COG6: variants seen among roughly 807,000 people sequenced by gnomAD.
The protein encoded by COG6 is component of oligomeric golgi complex 6.
Under a neutral mutation model 88.8 loss-of-function variants are expected in COG6, and 74 were observed. The ratio of observed to expected loss-of-function variants is 0.83; its 90% confidence interval spans 0.69 to 1.01. The LOEUF (loss-of-function observed/expected upper bound fraction) is 1.01, where lower values mean the gene tolerates loss of function less well. Ranked by LOEUF, COG6 falls within the 50% of genes least tolerant of loss-of-function variation. The pLI is 0.00. For synonymous variants in COG6, 286 were observed against 278.7 expected (o/e 1.03, Z -0.26); for missense variants, 800 against 797.9 (o/e 1.00, Z -0.03).
At chr13:39,682,326 A>G (rs1440727082) in intron 8 of COG6, 62 bp downstream of exon 8, 2 of 916,300 alleles carry the variant, frequency 2.2e-6, no homozygotes, top group Admixed American at 1.8e-5. Flanking sequence ...CTTACTTTAA[A>G]TTTTAGTATT....
At chr13:39,766,908 A>G (rs1881182365) in intron 18 of COG6, among the ~76,000 whole-genome samples, 1 of 152,236 alleles carries the variant, frequency 6.6e-6, no homozygotes, top group South Asian at 2.1e-4. Context: ...ATCTGTGCAT[A>G]TAAGTGAAAA....
At chr13:39,781,579 A>G (rs184099763) in intron 18 of COG6, among the ~76,000 whole-genome samples, 118 of 152,200 alleles carry the variant, frequency 7.8e-4, no homozygotes, top group Admixed American at 1.5e-3. Context: ...CATTGCATGA[A>G]GAGCCACAGC....
chr13:39,714,434 A>C (rs555997226), intron 13 of COG6, among the ~76,000 whole-genome samples: 44 of 152,294 alleles, frequency 2.9e-4, no homozygotes, highest in Admixed American at 2.0e-4. Flanking sequence ...CAAGAAAAAA[A>C]CAAATAATCC....
Position 39,665,141 on chromosome 13 carries a change from C to T in COG6, c.415C>T (p.Leu139Phe). 6.5e-7 allele frequency: 1 copy of T among 1,535,026 alleles called. No individual in the cohort carries two copies. The highest frequency in any genetic ancestry group is 9.0e-7 in the Non-Finnish European group (1 of 1,108,966). ...TQDLIVKTTK[L>F]QSESQKLEIR... ...AGATTTAATAGTAAAAACCACTAAG[C>T]TTCAATCTGAAAGGTAAGTTTTTCT... The change falls in exon 4 of 19, where the codon CTT becomes TTT. Residue 139 changes from leucine to phenylalanine, a missense_variant. Physicochemically the swap from Leu to Phe is conservative, Grantham distance 22 (BLOSUM62 0). Coordinates refer to ENST00000455146, the MANE Select transcript of COG6 (RefSeq NM_020751.3).
At chr13:39,775,672 C>T (rs1881441934) in intron 18 of COG6, among the ~76,000 whole-genome samples, 2 of 152,074 alleles carry the variant, frequency 1.3e-5, no homozygotes, top group Non-Finnish European at 2.9e-5. Context: ...TGTAGTTTTA[C>T]ATTTTAATAC....
intron 18 of COG6, among the ~76,000 whole-genome samples, chr13:39,775,710 A>G (rs902244176): frequency 3.9e-5 from 6 of 152,222 alleles, no homozygotes; most frequent in Admixed American, 1.3e-4. Flanking sequence ...AAGCATCTGG[A>G]ATCCAGCTAC....
intron 18 of COG6, among the ~76,000 whole-genome samples, chr13:39,763,403 C>T (rs1246176920): frequency 6.6e-6 from 1 of 151,760 alleles, no homozygotes; most frequent in East Asian, 1.9e-4. Flanking sequence ...TAATTGCGGT[C>T]ACCCTTGTCT....
chr13:39,719,994 A>AACACACACAC (rs58617808), intron 15 of COG6, among the ~76,000 whole-genome samples, 167 bp downstream of exon 15: 13 of 147,764 alleles, frequency 8.8e-5, no homozygotes, highest in South Asian at 6.5e-4. Flanking sequence ...GCACATACAC[A>AACACACACAC]ACACACACAC....
At chr13:39,713,960 T>C (rs1014129706) in intron 13 of COG6, among the ~76,000 whole-genome samples, 4 of 152,186 alleles carry the variant, frequency 2.6e-5, no homozygotes, top group Non-Finnish European at 4.4e-5. Context: ...TTGTTGCCGA[T>C]CTAATGGATG....
At chr13:39,684,117 C>T (rs4368051) in intron 8 of COG6, among the ~76,000 whole-genome samples, 109,689 of 151,708 alleles carry the variant, frequency 0.72, 39,933 homozygotes, top group Admixed American at 0.81. Flanking sequence ...AGGGATGTAT[C>T]TGAGGGCTAC....
intron 18 of COG6, among the ~76,000 whole-genome samples, chr13:39,770,024 T>A (rs1220833322): frequency 6.6e-6 from 1 of 152,238 alleles, no homozygotes; most frequent in Non-Finnish European, 1.5e-5. Flanking sequence ...CATCTAGCAG[T>A]CATGCTGTTG....
intron 18 of COG6, among the ~76,000 whole-genome samples, chr13:39,736,412 G>A (rs905940889): frequency 1.1e-4 from 16 of 152,122 alleles, no homozygotes; most frequent in African/African-American, 3.1e-4. Context: ...CTGAATTTTG[G>A]CCAGGCGCAG....
intron 18 of COG6, among the ~76,000 whole-genome samples, chr13:39,766,779 T>C (rs1051416352): frequency 6.6e-5 from 10 of 152,172 alleles, no homozygotes; most frequent in Admixed American, 3.9e-4. Context: ...CTTGGACAGG[T>C]TGAGAGTTCT....
At chr13:39,758,866 C>A (rs1880927567) in intron 18 of COG6, among the ~76,000 whole-genome samples, 1 of 151,954 alleles carries the variant, frequency 6.6e-6, no homozygotes, top group Non-Finnish European at 1.5e-5. Flanking sequence ...TGTGGTATAT[C>A]CATACAATGA....
intron 18 of COG6, among the ~76,000 whole-genome samples, chr13:39,784,324 G>A (rs1397954571): frequency 6.6e-6 from 1 of 152,198 alleles, no homozygotes; most frequent in East Asian, 1.9e-4. Flanking sequence ...TGAGCAATGA[G>A]TGGTGGATTC....
intron 11 of COG6, among the ~76,000 whole-genome samples, chr13:39,691,071 G>T (rs942607395): frequency 6.6e-6 from 1 of 151,354 alleles, no homozygotes; most frequent in African/African-American, 2.4e-5. Flanking sequence ...CCCCTTCCTT[G>T]CTTATGTAAT....
intron 18 of COG6, among the ~76,000 whole-genome samples, chr13:39,772,225 C>G (rs891531866): frequency 6.6e-6 from 1 of 152,230 alleles, no homozygotes; most frequent in Non-Finnish European, 1.5e-5. Flanking sequence ...TAACCTCTTA[C>G]AGTAGTTGTC....
chr13:39,657,527 T>TG (rs995374694), intron 1 of COG6, among the ~76,000 whole-genome samples: 21 of 119,096 alleles, frequency 1.8e-4, no homozygotes, highest in African/African-American at 6.7e-4. Context: ...CTTCACTTCA[T>TG]GGGTTTTTTT....
intron 18 of COG6, among the ~76,000 whole-genome samples, chr13:39,781,342 G>A (rs1389788767): frequency 1.3e-5 from 2 of 152,070 alleles, no homozygotes; most frequent in East Asian, 1.9e-4. Context: ...TCAGTTGACA[G>A]GTTAGAGAAG....
Sources: allele counts gnomAD v4.1 joint callset (sites outside exome capture counted in the v4.1 genomes callset), GRCh38; gene constraint gnomAD v4.1.1; transcripts MANE v1.5; gene names NCBI Gene and HGNC (gene_info 2026-07-23, HGNC 2026-07-21).